MAP7D3: variants seen among roughly 807,000 people sequenced by gnomAD.
MAP7D3 encodes MAP7 domain-containing protein 3.
Under a neutral mutation model 62.2 loss-of-function variants are expected in MAP7D3, and 45 were observed. The observed-to-expected ratio is 0.72, with a 90% confidence interval of 0.57 to 0.93. The LOEUF (loss-of-function observed/expected upper bound fraction) is 0.93. MAP7D3 is among the 40% of genes least tolerant of loss of function. The pLI is 0.00. For missense variants in MAP7D3, 711 were observed against 683.1 expected (o/e 1.04, Z -0.45); for synonymous variants, 288 against 248.8 (o/e 1.16, Z -1.48).
At chrX:136,218,600 C>A (rs1284905574) in intron 18 of MAP7D3, 107 bp from the exon 19 acceptor site, 4 of 111,878 alleles carry the variant, frequency 3.6e-5, no homozygotes, top group African/African-American at 1.3e-4. Context: ...TCTCAGCAGC[C>A]CCTCTGGAGT....
rs753805543 is a variant in MAP7D3, at chrX:136,232,417, C to T, written c.737-197G>A. ...CAGAACTATCACAAAGTCACTACTT[C>T]GGAAGCAACATTAACAACAGTCGTT... is the stretch of plus-strand genomic sequence containing the variant. On this transcript the variant is annotated intron_variant, in intron 7 of 18. Transcript: ENST00000316077. Among the ~76,000 whole-genome samples, 3 of 112,067 alleles carry T rather than the reference C, an allele frequency of 2.7e-5. No individual in the cohort carries two copies. The East Asian group carries it at 8.4e-4, about 31-fold the overall frequency.
At chrX:136,225,262 T>C (rs2074181808) in intron 13 of MAP7D3, among the ~76,000 whole-genome samples, 1 of 112,409 alleles carries the variant, frequency 8.9e-6, no homozygotes, top group Non-Finnish European at 1.9e-5. Context: ...ATGAAAATAA[T>C]ACACCTCAAT....
chrX:136,249,041 T>C (rs1188601579), intron 1 of MAP7D3, among the ~76,000 whole-genome samples: 3 of 112,043 alleles, frequency 2.7e-5, no homozygotes, highest in Non-Finnish European at 5.6e-5. Context: ...ACCTCCAAGT[T>C]CAAACCAAAG....
Position 136,240,463 on chromosome X carries a change from C to T in MAP7D3, c.559G>A (p.Glu187Lys). 1 of 1,181,411 alleles carries T rather than the reference C, an allele frequency of 8.5e-7. No homozygotes were observed. The highest frequency in any genetic ancestry group is 1.2e-6 in the Non-Finnish European group (1 of 868,389). ...KTANKRSASTEKLEQGTSALI... is the reference protein window; with the variant it reads ...KTANKRSASTKKLEQGTSALI... ...GCAGAAGTACCCTGTTCAAGTTTTT[C>T]AGTAGATGCAGATCGTTTATTGGCT... The change falls in exon 6 of 19, where the codon GAA becomes AAA. Residue 187 changes from glutamate to lysine, a missense_variant. Glu to Lys is a moderately conservative substitution (Grantham distance 56). Coordinates refer to ENST00000316077, the MANE Select transcript of MAP7D3 (RefSeq NM_024597.4).
chrX:136,245,318 T>G (rs2074435174), intron 3 of MAP7D3, among the ~76,000 whole-genome samples: 1 of 111,884 alleles, frequency 8.9e-6, no homozygotes, highest in Non-Finnish European at 1.9e-5. Context: ...TATATTCAAA[T>G]TTTCCCTCAC....
downstream of MAP7D3, among the ~76,000 whole-genome samples, chrX:136,215,859 C>T (rs2074057852): frequency 9.0e-6 from 1 of 111,379 alleles, no homozygotes; most frequent in South Asian, 3.8e-4. Context: ...AGAGGGTTTT[C>T]CTCATCCAAG....
At chrX:136,220,697 C>G in intron 16 of MAP7D3, 68 bp downstream of exon 16, 1 of 870,966 alleles carries the variant, frequency 1.1e-6, no homozygotes. Flanking sequence ...TCATATTTAT[C>G]TAGCATTCTA....
intron 6 of MAP7D3, among the ~76,000 whole-genome samples, chrX:136,240,107 G>C (rs990890519): frequency 7.3e-5 from 8 of 109,114 alleles, no homozygotes. Flanking sequence ...TACTTGGGAG[G>C]CTGAGGCACG....
chrX:136,222,431 T>A lies in MAP7D3; in HGVS notation c.2249A>T (p.Glu750Val), dbSNP rs926913173. The change falls in exon 15 of 19, where the codon GAA becomes GTA. Residue 750 changes from glutamate (E) to valine (V), a missense_variant. Physicochemically the swap from Glu to Val is moderately radical, Grantham distance 121. Transcript: ENST00000316077. ...IYEEAEADNEESDKDSLNEMF... is the reference protein window; with the variant it reads ...IYEEAEADNEVSDKDSLNEMF... ...TTCATTCAATGAGTCCTTGTCGCTT[T>A]CTTCGTTGTCAGCCTCAGCCTCTTC... is the stretch of plus-strand genomic sequence containing the variant. 4 of 1,208,866 alleles carry A rather than the reference T, an allele frequency of 3.3e-6. No homozygotes were observed. Among genetic ancestry groups the A allele is most frequent in the Non-Finnish European group, 3.4e-6 (3 of 894,167 alleles).
chrX:136,240,283 C>T, intron 6 of MAP7D3, 99 bp downstream of exon 6: 1 of 497,924 alleles, frequency 2.0e-6, no homozygotes, highest in South Asian at 3.2e-5. Flanking sequence ...CTGAAATAAA[C>T]ATAAATGTTC....
chrX:136,216,075 A>T (rs1390923127), downstream of MAP7D3, among the ~76,000 whole-genome samples: 1 of 111,638 alleles, frequency 9.0e-6, no homozygotes, highest in Non-Finnish European at 1.9e-5. Flanking sequence ...AAGCAAGATC[A>T]GCACCATAAA....
At position 136,241,271 on chromosome X, in the gene MAP7D3, AT is replaced by A; in HGVS notation, c.423del (p.Lys141AsnfsTer56). On this transcript the variant is annotated frameshift_variant, in exon 5 of 19. Coordinates refer to ENST00000316077, the MANE Select transcript of MAP7D3 (RefSeq NM_024597.4). LOFTEE classifies it high-confidence loss of function. ...RHQKDEAQKE[K>X]FTAILYRTLE... ...AAAGTACGATAAAGAATGGCTGTAA[AT>A]TTTTCCTATTTAAAATAAAAGCCAA... The A allele has an allele frequency of 9.5e-7, 1 of 1,056,452 alleles. No individual in the cohort carries two copies. Among genetic ancestry groups the A allele is most frequent in the Non-Finnish European group, 1.3e-6 (1 of 775,003 alleles). 87.1% of individuals were successfully genotyped at this position (1,056,452 alleles called of 1,213,427 possible). A position where few individuals can be genotyped will look rare whatever the true frequency, so the allele number is the denominator to read the frequency against.
At chrX:136,219,113 A>T (rs189372684) in intron 18 of MAP7D3, among the ~76,000 whole-genome samples, 5 of 112,635 alleles carry the variant, frequency 4.4e-5, no homozygotes, top group Non-Finnish European at 7.5e-5. Context: ...GGCCTCCCAA[A>T]GTGCTGGGAT....
At chrX:136,249,596 TATAAA>T (rs1234822907) in intron 1 of MAP7D3, among the ~76,000 whole-genome samples, 1 of 112,418 alleles carries the variant, frequency 8.9e-6, no homozygotes, top group Non-Finnish European at 1.9e-5. Context: ...TACATAAATG[TATAAA>T]ATAAATGTAT....
chrX:136,225,982 T>C lies in MAP7D3; in HGVS notation c.2066A>G (p.Glu689Gly), dbSNP rs1368515120. The change falls in exon 13 of 19, where the codon GAA becomes GGA. Residue 689 changes from glutamate (E) to glycine (G), a missense_variant. Coordinates refer to ENST00000316077, the MANE Select transcript of MAP7D3 (RefSeq NM_024597.4). ...KGDAKIKAQE[E>G]ADKRKKEHER... Reference sequence around the variant, plus strand: ...GTGTTCTTTCTTGCGTTTGTCAGCTTCCTCTTGAGCTTTTATTTTGGCGTC... The same window carrying C: ...GTGTTCTTTCTTGCGTTTGTCAGCTCCCTCTTGAGCTTTTATTTTGGCGTC... 8.3e-7 allele frequency: 1 copy of C among 1,204,536 alleles called. No homozygotes were observed. Among genetic ancestry groups the C allele is most frequent in the Non-Finnish European group, 1.1e-6 (1 of 890,984 alleles).
chrX:136,230,408 C>T lies in MAP7D3; in HGVS notation c.1727G>A (p.Ser576Asn), dbSNP rs201858503. The change falls in exon 10 of 19, where the codon AGC becomes AAC. Residue 576 changes from serine (S) to asparagine (N), a missense_variant. Coordinates refer to ENST00000316077, the MANE Select transcript of MAP7D3 (RefSeq NM_024597.4). Reference sequence around the variant, plus strand: ...ACCTTCATAGATCATATGCCTTTGGCTCAAAGCCTCACATCTGTTAGTGGT... The same window carrying T: ...ACCTTCATAGATCATATGCCTTTGGTTCAAAGCCTCACATCTGTTAGTGGT... ...SKTTNRCEAL[S>N]QRHMIYEESG... 38 of 1,194,441 alleles carry T rather than the reference C, an allele frequency of 3.2e-5. No homozygotes were observed. Among genetic ancestry groups the T allele is most frequent in the Non-Finnish European group, 4.1e-5 (36 of 881,595 alleles).
In MAP7D3 at chrX:136,218,117, A is replaced by G. The variant is rs1251862757; in HGVS notation, c.*409T>C. ...ACTTTAAGATTTCAAATATATACTG[A>G]AAGAGAATTAGTTCTGCAATCAGAT... is the stretch of plus-strand genomic sequence containing the variant. On this transcript the variant is annotated 3_prime_UTR_variant, in exon 19 of 19. Transcript: ENST00000316077. 2 of 111,827 alleles carry G rather than the reference A, an allele frequency of 1.8e-5. No homozygotes were observed. The highest frequency in any genetic ancestry group is 6.5e-5 in the African/African-American group (2 of 30,831). The allele number at this position is 111,827 out of a possible 1,213,427, so 9.2% of individuals were successfully genotyped here. A position where few individuals can be genotyped will look rare whatever the true frequency, so the allele number is the denominator to read the frequency against.
At position 136,232,164 on chromosome X, in the gene MAP7D3, T is replaced by G; in HGVS notation, c.793A>C (p.Thr265Pro). The G allele has an allele frequency of 8.3e-7, 1 of 1,208,521 alleles. No homozygotes were observed. The highest frequency in any genetic ancestry group is 1.1e-6 in the Non-Finnish European group (1 of 892,352). The part of the protein sequence containing the change: ...QYVTVPLRKC[T>P]SDELRAVMFP... ...ATAACAGCCCTCAATTCGTCGCTAG[T>G]ACATTTACGCAAGGGTACAGTGACA... Residue 265 changes from threonine (T) to proline (P), a missense_variant, in exon 8 of 19, where the codon ACT becomes CCT. By Grantham distance (38) the Thr-to-Pro change is conservative. Transcript: ENST00000316077.
intron 13 of MAP7D3, among the ~76,000 whole-genome samples, chrX:136,225,505 T>C (rs547701070): frequency 8.9e-6 from 1 of 111,841 alleles, no homozygotes; most frequent in South Asian, 3.8e-4. Context: ...ACCTTAAAAA[T>C]AGCCTGCACC....
Sources: gnomAD v4.1 joint callset for allele counts (sites outside exome capture counted in the v4.1 genomes callset) on GRCh38, gnomAD v4.1.1 for gene constraint, MANE v1.5 for transcripts, NCBI Gene and HGNC (gene_info 2026-07-23, HGNC 2026-07-21) for gene names.